The following TEX11 variants were observed in gnomAD, a reference collection of about 807,000 sequenced individuals.
The protein encoded by TEX11 is testis expressed 11.
Under a neutral mutation model 84.4 loss-of-function variants are expected in TEX11, and 7 were observed. That is an observed-to-expected ratio of 0.08 (90% CI 0.05 to 0.16). The LOEUF (loss-of-function observed/expected upper bound fraction) is 0.16. TEX11 is among the 10% of genes least tolerant of loss of function. The pLI is 1.00. For synonymous variants in TEX11, 264 were observed against 222.8 expected (o/e 1.18, Z -1.64); for missense variants, 551 against 660.5 (o/e 0.83, Z 1.82).
chrX:70,906,631 C>CA lies in TEX11; in HGVS notation c.37+1121dup, dbSNP rs748386781. ...GGTGAAACCCTGTCTCTACTAAATG[C>CA]AAAAAATTAGCCAGGCATGGTGGCG... On this transcript the variant is annotated intron_variant, in intron 2 of 29. Coordinates refer to ENST00000374333, the MANE Select transcript of TEX11 (RefSeq NM_031276.3). Among the ~76,000 whole-genome samples the CA allele has an allele frequency of 5.5e-5, 6 of 109,940 alleles. No homozygotes were observed. In the Admixed American group the frequency reaches 5.9e-4, roughly 11 times the overall value.
chrX:70,513,375 T>C, the TEX11 span, among the ~76,000 whole-genome samples: 1 of 104,130 alleles, frequency 9.6e-6, no homozygotes, highest in Non-Finnish European at 1.9e-5. Context: ...GATATATATA[T>C]AATACATAAT....
chrX:70,775,029 A>G (rs2147780315), intron 9 of TEX11, among the ~76,000 whole-genome samples: 1 of 111,889 alleles, frequency 8.9e-6, no homozygotes, highest in South Asian at 3.8e-4. Context: ...CAAAACAGAT[A>G]ATCCAGAAAT....
At chrX:70,860,818 T>A in intron 5 of TEX11, 39 bp downstream of exon 5, 3 of 965,675 alleles carry the variant, frequency 3.1e-6, no homozygotes, top group Non-Finnish European at 4.4e-6. Flanking sequence ...GTAACAACCA[T>A]CTCATTTCAT....
In TEX11 at chrX:70,903,646, AAGGGGACT is replaced by A. The variant is rs911494437; in HGVS notation, c.37+4099_37+4106del. On this transcript the variant is annotated intron_variant, in intron 2 of 29. Coordinates refer to ENST00000374333, the MANE Select transcript of TEX11 (RefSeq NM_031276.3). ...TTTAAAGGATAGCACACAAAATGAT[AAGGGGACT>A]AGAAACCAGGTAATATCAGGAATGT... is the stretch of plus-strand genomic sequence containing the variant. Among the ~76,000 whole-genome samples the A allele has an allele frequency of 2.7e-5, 3 of 110,590 alleles. No individual in the cohort carries two copies. In the Admixed American group the frequency reaches 2.9e-4, roughly 11 times the overall value.
chrX:70,863,132 A>G (rs2091579848), intron 4 of TEX11, among the ~76,000 whole-genome samples: 1 of 110,936 alleles, frequency 9.0e-6, no homozygotes, highest in Non-Finnish European at 1.9e-5. Flanking sequence ...GCACAGCTTC[A>G]GTGAACTTAA....
At chrX:70,636,668 G>A (rs2089578468) in intron 17 of TEX11, among the ~76,000 whole-genome samples, 1 of 112,047 alleles carries the variant, frequency 8.9e-6, no homozygotes, top group South Asian at 3.8e-4. Flanking sequence ...AGCCAATGGG[G>A]GCCTAAACTT....
At chrX:70,623,604 G>T (rs1161880843) in intron 20 of TEX11, among the ~76,000 whole-genome samples, 3 of 111,906 alleles carry the variant, frequency 2.7e-5, no homozygotes, top group Non-Finnish European at 5.6e-5. Flanking sequence ...ACTTCTAAAT[G>T]TTTCACATGT....
At position 70,704,070 on chromosome X, in the gene TEX11, G is replaced by A. The variant is rs2043049653; in HGVS notation, c.1004+18548C>T. Among the ~76,000 whole-genome samples the A allele has an allele frequency of 2.7e-5, 3 of 109,610 alleles. No homozygotes were observed. The Admixed American group carries it at 2.9e-4, about 11-fold the overall frequency. ...TCTCACGAGATCTGGTCATTTCAAA[G>A]TGTGTGGTATCTCTCTCTCTCTCTC... On this transcript the variant is annotated intron_variant, in intron 13 of 29. Coordinates refer to ENST00000374333, the MANE Select transcript of TEX11 (RefSeq NM_031276.3).
At chrX:70,513,400 TTATATATAATAATGAAATGAAATA>T in the TEX11 span, among the ~76,000 whole-genome samples, 2 of 105,285 alleles carry the variant, frequency 1.9e-5, no homozygotes, top group African/African-American at 7.0e-5. Flanking sequence ...GTAATGTATA[TTATATATAATAATGAAATGAAATA>T]TATATATAAT....
chrX:70,585,535 C>T (rs2088842516), intron 25 of TEX11, among the ~76,000 whole-genome samples: 1 of 111,717 alleles, frequency 9.0e-6, no homozygotes, highest in South Asian at 3.7e-4. Context: ...TTGTAAGGTG[C>T]CCCAATAGTT....
intron 17 of TEX11, among the ~76,000 whole-genome samples, chrX:70,641,400 G>T (rs1043549444): frequency 1.8e-5 from 2 of 110,583 alleles, no homozygotes; most frequent in Non-Finnish European, 3.8e-5. Flanking sequence ...ATTGAACTCA[G>T]CTCTGCACCA....
At chrX:70,711,624 G>T (rs971838041) in intron 13 of TEX11, among the ~76,000 whole-genome samples, 2 of 111,766 alleles carry the variant, frequency 1.8e-5, no homozygotes, top group Non-Finnish European at 3.8e-5. Flanking sequence ...TTGCCAACTT[G>T]TTGATGGGGT....
intron 25 of TEX11, among the ~76,000 whole-genome samples, chrX:70,575,202 G>A (rs1326872473): frequency 9.0e-6 from 1 of 111,623 alleles, no homozygotes; most frequent in Non-Finnish European, 1.9e-5. Context: ...GGACACTTGG[G>A]AAGCTATTGC....
At chrX:70,534,416 T>A (rs1025093173) in intron 28 of TEX11, among the ~76,000 whole-genome samples, 2 of 111,508 alleles carry the variant, frequency 1.8e-5, no homozygotes, top group East Asian at 5.7e-4. Context: ...ATCCAATGAG[T>A]TAGGGAACAC....
chrX:70,672,302 A>G (rs758297328), intron 15 of TEX11, among the ~76,000 whole-genome samples: 20 of 111,620 alleles, frequency 1.8e-4, no homozygotes, highest in Non-Finnish European at 3.4e-4. Flanking sequence ...ATTATAAATA[A>G]AGCTGCTATC....
chrX:70,690,612 A>G (rs1052860623), intron 13 of TEX11, among the ~76,000 whole-genome samples: 6 of 111,315 alleles, frequency 5.4e-5, no homozygotes, highest in African/African-American at 2.0e-4. Context: ...AGGCTGAGGC[A>G]GGAAGATCAC....
chrX:70,551,716 AATC>A (rs2088217170), intron 28 of TEX11, among the ~76,000 whole-genome samples: 1 of 111,428 alleles, frequency 9.0e-6, no homozygotes, highest in Non-Finnish European at 1.9e-5. Context: ...AAGAAAAAGA[AATC>A]AGCAGAGGAG....
intron 17 of TEX11, among the ~76,000 whole-genome samples, chrX:70,646,774 T>C (rs766962980): frequency 3.6e-5 from 4 of 112,034 alleles, no homozygotes; most frequent in Admixed American, 9.5e-5. Context: ...TTGCATATTG[T>C]AGGTGGGAAT....
chrX:70,642,997 A>G (rs2089684022), intron 17 of TEX11, among the ~76,000 whole-genome samples: 1 of 50,879 alleles, frequency 2.0e-5, no homozygotes, highest in Non-Finnish European at 3.6e-5. Context: ...TTTGCAGATG[A>G]CATGATTGTA....
Sources: gnomAD v4.1 joint callset for allele counts (sites outside exome capture counted in the v4.1 genomes callset) on GRCh38, gnomAD v4.1.1 for gene constraint, MANE v1.5 for transcripts, NCBI Gene and HGNC (gene_info 2026-07-23, HGNC 2026-07-21) for gene names.